The following LAMA3 variants were observed in gnomAD, a reference collection of about 807,000 sequenced individuals.
LAMA3 encodes the protein laminin subunit alpha-3.
In LAMA3, 281 loss-of-function variants were observed where a neutral mutation model predicts 402.0. The observed-to-expected ratio is 0.70, with a 90% CI of 0.63 to 0.77. LAMA3 has a LOEUF of 0.77. Ranked by LOEUF, LAMA3 falls within the 30% of genes least tolerant of loss-of-function variation. The pLI is 0.00. For synonymous variants in LAMA3, 1,431 were observed against 1,558.4 expected (o/e 0.92, Z 1.93); for missense variants, 3,840 against 4,215.5 (o/e 0.91, Z 2.47).
intron 47 of LAMA3, among the ~76,000 whole-genome samples, chr18:23,900,083 G>A (rs2081019064): frequency 6.6e-6 from 1 of 151,668 alleles, no homozygotes; most frequent in Admixed American, 6.6e-5. Context: ...GTGTGTGTGT[G>A]TGTATGTGAC....
intron 34 of LAMA3, among the ~76,000 whole-genome samples, chr18:23,859,545 G>A (rs890532995): frequency 2.0e-5 from 3 of 152,160 alleles, no homozygotes; most frequent in African/African-American, 7.2e-5. Flanking sequence ...CAGAATTCAG[G>A]ACACACTTTC....
chr18:23,714,577 C>T (rs2061061394), intron 2 of LAMA3, among the ~76,000 whole-genome samples: 1 of 152,100 alleles, frequency 6.6e-6, no homozygotes, highest in Admixed American at 6.5e-5. Flanking sequence ...GATAGATGCC[C>T]ATCCCTGTCT....
chr18:23,929,523 G>A (rs988794069), intron 64 of LAMA3, among the ~76,000 whole-genome samples: 32 of 151,368 alleles, frequency 2.1e-4, no homozygotes, highest in Admixed American at 1.3e-3. Flanking sequence ...CAGGAAGGCC[G>A]CCCCTCTCTT....
chr18:23,915,453 T>C, intron 59 of LAMA3, 31 bp downstream of exon 59: 1 of 1,602,182 alleles, frequency 6.2e-7, no homozygotes, highest in Non-Finnish European at 8.5e-7. Context: ...AGAAACTCTG[T>C]AACTGGAGTT....
chr18:23,922,692 A>T (rs78652958), intron 62 of LAMA3, among the ~76,000 whole-genome samples: 1 of 152,234 alleles, frequency 6.6e-6, no homozygotes, highest in Non-Finnish European at 1.5e-5. Context: ...TCAAATAGCA[A>T]TTCAGCCATG....
At chr18:23,904,789 C>A in intron 51 of LAMA3, 95 bp downstream of exon 51, 2 of 1,331,236 alleles carry the variant, frequency 1.5e-6, no homozygotes, top group Non-Finnish European at 2.1e-6. Context: ...AGAAACAAAG[C>A]ATTATTTTAA....
At chr18:23,711,424 G>C (rs540067755) in intron 1 of LAMA3, among the ~76,000 whole-genome samples, 178 of 152,298 alleles carry the variant, frequency 1.2e-3, no homozygotes, top group South Asian at 6.0e-3. Flanking sequence ...ACATGGACAG[G>C]AGCTGCAGAG....
At chr18:23,902,743 T>A (rs556170562) in intron 48 of LAMA3, among the ~76,000 whole-genome samples, 1 of 152,232 alleles carries the variant, frequency 6.6e-6, no homozygotes, top group Non-Finnish European at 1.5e-5. Context: ...ACCCATCTCA[T>A]TGGGCAAGTT....
intron 1 of LAMA3, among the ~76,000 whole-genome samples, chr18:23,695,211 G>T (rs2060661984): frequency 6.6e-6 from 1 of 152,142 alleles, no homozygotes; most frequent in South Asian, 2.1e-4. Flanking sequence ...TGGTCTTGTA[G>T]CCTCCAGCAT....
chr18:23,730,784 T>A lies in LAMA3; in HGVS notation c.447+16712T>A, dbSNP rs139814867. Among the ~76,000 whole-genome samples, 57 of 152,330 alleles carry A rather than the reference T, an allele frequency of 3.7e-4. No individual in the cohort carries two copies. The East Asian group carries it at 0.01, about 27-fold the overall frequency. On this transcript the variant is annotated intron_variant, in intron 2 of 74. Transcript: ENST00000313654. ...GTGATACATTTTTTCTTACTTAGAA[T>A]ACGCTGTCCGGGCATATTTTACCTT...
chr18:23,705,751 C>G (rs2060877888), intron 1 of LAMA3, among the ~76,000 whole-genome samples: 5 of 152,286 alleles, frequency 3.3e-5, no homozygotes, highest in Admixed American at 3.3e-4. Context: ...CTCCTGAGCT[C>G]AAGCAATCCT....
rs201672839 is a variant in LAMA3 at position 23,950,042 on chromosome 18, G to T, written c.9525G>T (p.Leu3175Phe). Residue 3175 changes from leucine to phenylalanine, a missense_variant, in exon 72 of 75, where the codon TTG becomes TTT. Leu to Phe is a conservative substitution (Grantham distance 22). This residue lies in a region of LAMA3 where 840 missense variants were observed against 981.9 expected (regional missense o/e 0.86). Coordinates refer to ENST00000313654, the MANE Select transcript of LAMA3 (RefSeq NM_198129.4). ...GGHVVLAHSVLLGPEFKLVFS... is the reference protein window; with the variant it reads ...GGHVVLAHSVFLGPEFKLVFS... ...CTCTTTTGAAAGCTCACTCTGTATTGTTGGGGCCAGAATTTAAGCTTGTTT... is the reference window on the plus strand; with the variant it reads ...CTCTTTTGAAAGCTCACTCTGTATTTTTGGGGCCAGAATTTAAGCTTGTTT... 4 of 1,614,128 alleles carry T rather than the reference G, an allele frequency of 2.5e-6. No homozygotes were observed. In the Admixed American group the frequency reaches 5.0e-5, roughly 20 times the overall value.
At chr18:23,714,832 C>T (rs1184895364) in intron 2 of LAMA3, among the ~76,000 whole-genome samples, 2 of 152,138 alleles carry the variant, frequency 1.3e-5, no homozygotes, top group Non-Finnish European at 2.9e-5. Context: ...CTCCCCATTC[C>T]CCTTTCTCCT....
At chr18:23,820,105 C>A in intron 19 of LAMA3, 108 bp downstream of exon 19, 1 of 1,120,878 alleles carries the variant, frequency 8.9e-7, no homozygotes. Flanking sequence ...ACTGATTCCA[C>A]GATTCTTTTT....
chr18:23,797,669 C>T (rs1252964062), intron 12 of LAMA3, among the ~76,000 whole-genome samples: 1 of 151,760 alleles, frequency 6.6e-6, no homozygotes. Flanking sequence ...GAGCCAAGAT[C>T]GCACCACTGC....
At chr18:23,770,143 A>G (rs1167098244) in intron 8 of LAMA3, among the ~76,000 whole-genome samples, 1 of 152,226 alleles carries the variant, frequency 6.6e-6, no homozygotes, top group Non-Finnish European at 1.5e-5. Flanking sequence ...TTCTATGATC[A>G]TAGTTGGAGA....
intron 1 of LAMA3, among the ~76,000 whole-genome samples, chr18:23,712,964 T>C (rs2061024278): frequency 2.0e-5 from 3 of 151,916 alleles, no homozygotes; most frequent in Admixed American, 2.0e-4. Context: ...TTAAAATACA[T>C]TCGACATAGA....
chr18:23,878,980 C>T (rs1205897540), intron 39 of LAMA3, among the ~76,000 whole-genome samples: 1 of 151,682 alleles, frequency 6.6e-6, no homozygotes, highest in African/African-American at 2.4e-5. Context: ...ATTTTCTCCT[C>T]TCCCCCCAAT....
intron 23 of LAMA3, among the ~76,000 whole-genome samples, chr18:23,833,055 G>A (rs1283379733): frequency 6.6e-6 from 1 of 152,142 alleles, no homozygotes; most frequent in Non-Finnish European, 1.5e-5. Context: ...TAAGTAACTT[G>A]TGCAAGATCA....
Sources: allele counts gnomAD v4.1 joint callset (sites outside exome capture counted in the v4.1 genomes callset), GRCh38; gene constraint gnomAD v4.1.1; regional missense constraint gnomAD v4.1.1; transcripts MANE v1.5; gene names NCBI Gene and HGNC (gene_info 2026-07-23, HGNC 2026-07-21).